GFOD2: variants seen among roughly 807,000 people sequenced by gnomAD.
GFOD2 encodes Gfo/Idh/MocA-like oxidoreductase domain containing 2, also known as glucose-fructose oxidoreductase domain-containing protein 2.
A neutral mutation model predicts 24.6 loss-of-function variants in GFOD2; 9 were observed. The observed-to-expected ratio is 0.37, with a 90% CI of 0.22 to 0.64. The LOEUF (loss-of-function observed/expected upper bound fraction) is 0.64. GFOD2 is among the 30% of genes least tolerant of loss of function. GFOD2 has a pLI of 0.65. For synonymous variants in GFOD2, 211 were observed against 224.8 expected (o/e 0.94, Z 0.55); for missense variants, 476 against 532.5 (o/e 0.89, Z 1.04).
rs768505813 is a variant in GFOD2, at chr16:67,675,191, C to A, written c.1122G>T (p.Gln374His). The A allele has an allele frequency of 2.5e-6, 4 of 1,613,940 alleles. No individual in the cohort carries two copies. Among genetic ancestry groups the A allele is most frequent in the Non-Finnish European group, 2.5e-6 (3 of 1,179,952 alleles). The change falls in exon 3 of 3, where the codon CAG becomes CAT. Residue 374 changes from glutamine to histidine, a missense_variant. Transcript: ENST00000268797. ...EVLTEEPDTNQNLCEALQRNN... is the reference protein window; with the variant it reads ...EVLTEEPDTNHNLCEALQRNN... ...TCCGCTGAAGTGCCTCACACAGGTT[C>A]TGGTTGGTGTCGGGCTCCTCCGTCA...
At chr16:67,694,097 C>T (rs139485953) in intron 1 of GFOD2, among the ~76,000 whole-genome samples, 27 of 152,100 alleles carry the variant, frequency 1.8e-4, no homozygotes, top group Non-Finnish European at 2.6e-4. Context: ...GAGGCTGAGG[C>T]GATTCTCCTG....
rs113387693 is a variant in GFOD2, at chr16:67,674,844, C to T, written c.*311G>A. 543 of 340,416 alleles carry T rather than the reference C, an allele frequency of 1.6e-3. 4 individuals carry two copies. Among genetic ancestry groups the T allele is most frequent in the African/African-American group, 0.01 (499 of 47,850 alleles). 21.1% of individuals were successfully genotyped at this position (340,416 alleles called of 1,614,324 possible). Reference sequence around the variant, plus strand: ...GTGCTTTCTCACCCTGTTAGGACTGCGGATCAGGCTGAAGGGCTCCCCAGG... The same window carrying T: ...GTGCTTTCTCACCCTGTTAGGACTGTGGATCAGGCTGAAGGGCTCCCCAGG... On this transcript the variant is annotated 3_prime_UTR_variant, in exon 3 of 3. Transcript: ENST00000268797.
In GFOD2 at chr16:67,675,748, G is replaced by A. The variant is rs763611439; in HGVS notation, c.565C>T (p.Leu189=). The change falls in exon 3 of 3, where the codon CTG becomes TTG. Residue 189 remains leucine (L), a synonymous_variant. Transcript: ENST00000268797. The part of the protein sequence containing the change: ...GTYIVDLLTH[L]TGRRAEKVHG... ...ACCTTCTCGGCTCTCCGGCCGGTCAGGTGGGTCAGCAGGTCCACAATGTAG... is the reference window on the plus strand; with the variant it reads ...ACCTTCTCGGCTCTCCGGCCGGTCAAGTGGGTCAGCAGGTCCACAATGTAG... 5 of 1,614,126 alleles carry A rather than the reference G, an allele frequency of 3.1e-6. No homozygotes were observed. The highest frequency in any genetic ancestry group is 2.7e-5 in the African/African-American group (2 of 75,062).
intron 1 of GFOD2, among the ~76,000 whole-genome samples, chr16:67,686,975 C>A (rs980629265): frequency 1.3e-5 from 2 of 151,068 alleles, no homozygotes; most frequent in African/African-American, 4.9e-5. Flanking sequence ...GGTGAAACCC[C>A]GTCTCTACCA....
At chr16:67,693,642 A>C (rs752817863) in intron 1 of GFOD2, among the ~76,000 whole-genome samples, 1 of 152,202 alleles carries the variant, frequency 6.6e-6, no homozygotes, top group Non-Finnish European at 1.5e-5. Flanking sequence ...TTAGGTGTAC[A>C]GTTCAGTGCA....
intron 1 of GFOD2, among the ~76,000 whole-genome samples, chr16:67,691,507 G>A (rs1597796150): frequency 7.4e-6 from 1 of 135,878 alleles, no homozygotes; most frequent in Non-Finnish European, 1.5e-5. Flanking sequence ...ACTGTGCCTA[G>A]ACCCCCCCCC....
At chr16:67,708,423 G>A (rs56047901) in intron 1 of GFOD2, among the ~76,000 whole-genome samples, 21,355 of 152,174 alleles carry the variant, frequency 0.14, 1,751 homozygotes, top group African/African-American at 0.22. Context: ...CTTGCTGAGC[G>A]TATCTGAAGA....
intron 2 of GFOD2, 50 bp downstream of exon 2, chr16:67,685,407 G>T: frequency 6.2e-7 from 1 of 1,612,738 alleles, no homozygotes; most frequent in Middle Eastern, 1.7e-4. Context: ...TCAGAGGACT[G>T]CCCAGAGGGA....
chr16:67,706,412 C>T (rs745317968), intron 1 of GFOD2, among the ~76,000 whole-genome samples: 2 of 152,122 alleles, frequency 1.3e-5, no homozygotes, highest in African/African-American at 2.4e-5. Context: ...CACACAAATG[C>T]GGTAAACTGA....
In GFOD2 at chr16:67,681,621, G is replaced by T. The variant is rs1051623832; in HGVS notation, c.259+3836C>A. 3.0e-5 allele frequency: 19 copies of T among 636,074 alleles called. No homozygotes were observed. In the South Asian group the frequency reaches 1.1e-3, roughly 37 times the overall value. The allele number at this position is 636,074 out of a possible 1,614,324, so 39.4% of individuals were successfully genotyped here. On this transcript the variant is annotated intron_variant, in intron 2 of 2. Transcript: ENST00000268797. Reference sequence around the variant, plus strand: ...GATGGGATTTCATCATGTTGCTCAGGCTGGTATTTAACTCCTGAGTTCAAG... The same window carrying T: ...GATGGGATTTCATCATGTTGCTCAGTCTGGTATTTAACTCCTGAGTTCAAG...
intron 1 of GFOD2, among the ~76,000 whole-genome samples, chr16:67,694,080 G>A (rs191644340): frequency 2.4e-4 from 36 of 151,738 alleles, no homozygotes; most frequent in Admixed American, 4.6e-4. Context: ...TCCACCTCCC[G>A]AGCTCTGAGG....
chr16:67,675,556 CCAT>C lies in GFOD2; in HGVS notation c.754_756del (p.Met252del). The C allele has an allele frequency of 6.2e-7, 1 of 1,613,506 alleles. No homozygotes were observed. The highest frequency in any genetic ancestry group is 8.5e-7 in the Non-Finnish European group (1 of 1,180,040). ...ACGAGGCGTCCTGCAGAGCCTACCA[CCAT>C]GACTTCATGCACAAAGGCGCCTGGC... On this transcript the variant is annotated inframe_deletion, in exon 3 of 3. Coordinates refer to ENST00000268797, the MANE Select transcript of GFOD2 (RefSeq NM_030819.4).
Position 67,690,662 on chromosome 16 carries a change from G to T in GFOD2, c.-87-4860C>A, listed in dbSNP as rs190009771. On this transcript the variant is annotated intron_variant, in intron 1 of 2. Coordinates refer to ENST00000268797, the MANE Select transcript of GFOD2 (RefSeq NM_030819.4). ...GCATGTGAAAAATTATCTACATTTG[G>T]AGTCATAACAAAATGTCCTGTTTGT... 4.0e-3 allele frequency among the ~76,000 whole-genome samples: 616 copies of T among 152,194 alleles called. 6 individuals are homozygous for T. The highest frequency in any genetic ancestry group is 5.5e-3 in the Non-Finnish European group (377 of 68,000).
chr16:67,685,248 G>A (rs2053256868), intron 2 of GFOD2: 3 of 1,430,126 alleles, frequency 2.1e-6, no homozygotes, highest in East Asian at 5.0e-5. Context: ...CTTAATTTCT[G>A]TTCAGGGATT....
rs1597793635 is a variant in GFOD2 at position 67,685,683 on chromosome 16, C to T, written c.33G>A (p.Gly11=). 1.9e-6 allele frequency: 3 copies of T among 1,613,366 alleles called. No individual in the cohort carries two copies. Among genetic ancestry groups the T allele is most frequent in the Non-Finnish European group, 2.5e-6 (3 of 1,179,906 alleles). ...CCAGAACTCGGGCGGAGCTGCCAGT[C>T]CCAAACACGCCCACTCCTGGCAGCA... MKMLPGVGVF[G]TGSSARVLVP... Residue 11 remains glycine (G), a synonymous_variant, in exon 2 of 3, where the codon GGG becomes GGA. Coordinates refer to ENST00000268797, the MANE Select transcript of GFOD2 (RefSeq NM_030819.4).
intron 1 of GFOD2, among the ~76,000 whole-genome samples, chr16:67,713,830 A>G (rs2053491490): frequency 2.0e-5 from 3 of 151,980 alleles, no homozygotes; most frequent in South Asian, 4.2e-4. Flanking sequence ...GTGGGGCTGA[A>G]AGTCACAACC....
In GFOD2 at chr16:67,675,274, CGCTCT is replaced by C; in HGVS notation, c.1034_1038del (p.Gln345ArgfsTer32). On this transcript the variant is annotated frameshift_variant, in exon 3 of 3. Transcript: ENST00000268797. LOFTEE classifies it high-confidence loss of function. ...CTCGACCTCTTGATGGCATCCACCA[CGCTCT>C]GCATGTACAGCCCATCCTCGAAGGA... 1.2e-6 allele frequency: 2 copies of C among 1,612,970 alleles called. No individual in the cohort carries two copies. The highest frequency in any genetic ancestry group is 1.7e-6 in the Non-Finnish European group (2 of 1,180,032).
chr16:67,697,489 T>C (rs1567659010), intron 1 of GFOD2, among the ~76,000 whole-genome samples: 1 of 152,200 alleles, frequency 6.6e-6, no homozygotes, highest in East Asian at 1.9e-4. Flanking sequence ...GTCTGTCCCT[T>C]GTTCCATGCA....
At chr16:67,716,573 G>A (rs1481522418) in intron 1 of GFOD2, among the ~76,000 whole-genome samples, 2 of 152,144 alleles carry the variant, frequency 1.3e-5, no homozygotes, top group African/African-American at 2.4e-5. Flanking sequence ...AGTCCATCCA[G>A]TTCCACAGGT....
Sources: allele counts gnomAD v4.1 joint callset (sites outside exome capture counted in the v4.1 genomes callset), GRCh38; gene constraint gnomAD v4.1.1; transcripts MANE v1.5; gene names NCBI Gene and HGNC (gene_info 2026-07-23, HGNC 2026-07-21).